Variants in SLC68A1 observed in about 807,000 individuals in gnomAD.
SLC68A1 encodes the protein major facilitator superfamily domain containing 13A.
the SLC68A1 span, chr10:102,472,703 T>G: frequency 2.9e-6 from 2 of 699,226 alleles, no homozygotes; most frequent in African/African-American, 3.5e-5. Context: ...TGGCATGTTC[T>G]GTGTTTAGGG....
At chr10:102,471,592 A>C in the SLC68A1 span, among the ~76,000 whole-genome samples, 1 of 152,076 alleles carries the variant, frequency 6.6e-6, no homozygotes. Flanking sequence ...AAACCCCATA[A>C]AAATACAAAA....
the SLC68A1 span, chr10:102,472,102 G>A: frequency 2.2e-6 from 1 of 450,536 alleles, no homozygotes; most frequent in Non-Finnish European, 4.5e-6. Flanking sequence ...GTTCGAGGCT[G>A]CAATGAGTTA....
At chr10:102,470,610 T>C in the SLC68A1 span, 1 of 1,569,510 alleles carries the variant, frequency 6.4e-7, no homozygotes, top group Non-Finnish European at 8.6e-7. Context: ...CAAGGGGAAC[T>C]TCAGCCTGCC....
At chr10:102,470,872 CCT>C in the SLC68A1 span, 4 of 1,613,296 alleles carry the variant, frequency 2.5e-6, no homozygotes, top group African/African-American at 2.7e-5. Context: ...CCGACCTGGC[CCT>C]CTCAGCCCAC....
chr10:102,465,403 TGACAGA>T, the SLC68A1 span, among the ~76,000 whole-genome samples: 3 of 151,964 alleles, frequency 2.0e-5, no homozygotes, highest in Non-Finnish European at 4.4e-5. Context: ...CCAGCCTGCG[TGACAGA>T]GCGAGACTCT....
the SLC68A1 span, among the ~76,000 whole-genome samples, chr10:102,469,639 G>C: frequency 2.5e-4 from 38 of 151,500 alleles, no homozygotes; most frequent in Non-Finnish European, 4.4e-4. Context: ...CTCCGCCTTC[G>C]TGGTTCAAGT....
At chr10:102,471,390 G>C in the SLC68A1 span, 2 of 1,612,024 alleles carry the variant, frequency 1.2e-6, no homozygotes, top group African/African-American at 2.7e-5. Context: ...GCATGGACCT[G>C]GTGCAGGTAT....
the SLC68A1 span, chr10:102,470,788 G>A: frequency 1.9e-6 from 3 of 1,613,916 alleles, no homozygotes; most frequent in Non-Finnish European, 2.5e-6. Context: ...CAGCTGGCCT[G>A]CAGTTCTTGC....
chr10:102,471,001 C>T, the SLC68A1 span: 24 of 1,613,182 alleles, frequency 1.5e-5, no homozygotes, highest in East Asian at 2.4e-4. Flanking sequence ...GCGCTTTCTG[C>T]GTGACACTGG....
At chr10:102,472,433 T>G in the SLC68A1 span, among the ~76,000 whole-genome samples, 1 of 152,090 alleles carries the variant, frequency 6.6e-6, no homozygotes, top group African/African-American at 2.4e-5. Flanking sequence ...CGACTAAGTT[T>G]TTATATTTTT....
chr10:102,463,623 G>C, the SLC68A1 span, among the ~76,000 whole-genome samples: 237 of 150,752 alleles, frequency 1.6e-3, 1 homozygote, highest in Non-Finnish European at 2.8e-3. Context: ...ATGGGGGCAG[G>C]GTGTGGGGGG....
At chr10:102,476,074 A>ATTT in the SLC68A1 span, 58 of 1,167,410 alleles carry the variant, frequency 5.0e-5, no homozygotes, top group East Asian at 7.0e-5. Flanking sequence ...AGGATTTCAT[A>ATTT]GTTTTTTTTT....
At chr10:102,475,228 C>T in the SLC68A1 span, among the ~76,000 whole-genome samples, 3 of 151,574 alleles carry the variant, frequency 2.0e-5, no homozygotes, top group East Asian at 1.9e-4. Context: ...ACTGGGAGGC[C>T]GAGGTTGCAG....
At chr10:102,461,608 T>A in the SLC68A1 span, among the ~76,000 whole-genome samples, 6 of 151,076 alleles carry the variant, frequency 4.0e-5, no homozygotes, top group Admixed American at 4.0e-4. Flanking sequence ...ATATTGTGGA[T>A]TGGGAGAGTT....
the SLC68A1 span, chr10:102,476,659 A>C: frequency 1.0e-6 from 1 of 986,216 alleles, no homozygotes; most frequent in Non-Finnish European, 1.2e-6. Flanking sequence ...GGGCTGGGCC[A>C]TATGTGCTCA....
the SLC68A1 span, chr10:102,470,044 A>G: frequency 1.2e-6 from 2 of 1,613,936 alleles, no homozygotes; most frequent in Non-Finnish European, 1.7e-6. Flanking sequence ...CGGTTGGCTC[A>G]GTGACCGGCA....
the SLC68A1 span, chr10:102,471,925 G>C: frequency 2.5e-6 from 1 of 405,908 alleles, no homozygotes; most frequent in Non-Finnish European, 5.0e-6. Flanking sequence ...AGGCTCTCTG[G>C]GTAGCCCTGT....
At chr10:102,474,499 G>T in the SLC68A1 span, among the ~76,000 whole-genome samples, 1 of 152,068 alleles carries the variant, frequency 6.6e-6, no homozygotes, top group African/African-American at 2.4e-5. Context: ...GTCTAGAAAA[G>T]GTCTCAGTGA....
the SLC68A1 span, chr10:102,473,663 T>A: frequency 6.2e-7 from 1 of 1,614,102 alleles, no homozygotes; most frequent in African/African-American, 1.3e-5. Flanking sequence ...GGGCTCTTCC[T>A]GCTCAAGCTG....
Sources: allele counts gnomAD v4.1 joint callset (sites outside exome capture counted in the v4.1 genomes callset), GRCh38; gene constraint gnomAD v4.1.1; transcripts MANE v1.5; gene names NCBI Gene and HGNC (gene_info 2026-07-23, HGNC 2026-07-21).